Variants in ZPR1 observed in about 807,000 individuals in gnomAD.
The protein encoded by ZPR1 is ZPR1 zinc finger, also known as zinc finger protein ZPR1.
A neutral mutation model predicts 59.6 loss-of-function variants in ZPR1; 37 were observed. The observed-to-expected ratio is 0.62, with a 90% confidence interval of 0.48 to 0.82. ZPR1 has a LOEUF of 0.82. ZPR1 is among the 40% of genes least tolerant of loss of function. ZPR1 has a pLI of 0.00. For missense variants in ZPR1, 527 were observed against 579.9 expected, an observed-to-expected ratio of 0.91 and a Z score of 0.94; for synonymous variants, 191 against 215.2, an observed-to-expected ratio of 0.89 and a Z score of 0.99.
intron 2 of ZPR1, 24 bp downstream of exon 2, chr11:116,787,458 G>A: frequency 1.2e-6 from 2 of 1,607,128 alleles, no homozygotes; most frequent in East Asian, 2.2e-5. Context: ...GAATACTGAG[G>A]TACCTGCTCT....
At chr11:116,785,931 C>A in intron 4 of ZPR1, 49 bp from the exon 5 acceptor site, 1 of 1,528,416 alleles carries the variant, frequency 6.5e-7, no homozygotes, top group Non-Finnish European at 9.1e-7. Flanking sequence ...GTACCTTATG[C>A]CCTGCCCCTT....
In ZPR1 at chr11:116,785,146, C is replaced by A. The variant is rs1565321957; in HGVS notation, c.706G>T (p.Glu236Ter). The change falls in exon 7 of 14, where the codon GAA (glutamate) becomes TAA (stop). Residue 236 changes from glutamate (E) to a stop codon, truncating the protein, a stop_gained and splice_region_variant. Transcript: ENST00000227322. LOFTEE classifies it high-confidence loss of function. ...RQQEEMLGLQ[E>*]EAPAEKPEEE... ...TCTGGCTTCTCTGCTGGTGCTTCTTCCTAAAATAGCAAAGATGCAGGTCGC... is the reference window on the plus strand; with the variant it reads ...TCTGGCTTCTCTGCTGGTGCTTCTTACTAAAATAGCAAAGATGCAGGTCGC... 1.2e-6 allele frequency: 2 copies of A among 1,613,984 alleles called. No homozygotes were observed. Among genetic ancestry groups the A allele is most frequent in the East Asian group, 4.5e-5 (2 of 44,872 alleles).
At chr11:116,786,035 CA>C (rs1252080970) in intron 4 of ZPR1, among the ~76,000 whole-genome samples, 153 bp from the exon 5 acceptor site, 5 of 152,194 alleles carry the variant, frequency 3.3e-5, no homozygotes, top group African/African-American at 1.2e-4. Flanking sequence ...ATGTAGCAAA[CA>C]AGCCTGAAGT....
At chr11:116,782,077 A>T in intron 12 of ZPR1, 81 bp downstream of exon 12, 1 of 1,028,784 alleles carries the variant, frequency 9.7e-7, no homozygotes, top group East Asian at 2.4e-5. Context: ...GATGTTCAAA[A>T]AGTGGCAAGA....
chr11:116,782,679 A>G (rs1329548059), intron 11 of ZPR1, among the ~76,000 whole-genome samples: 1 of 152,196 alleles, frequency 6.6e-6, no homozygotes, highest in Non-Finnish European at 1.5e-5. Flanking sequence ...AAAATAAATG[A>G]CTTGTCCAAG....
chr11:116,775,146 G>A lies in ZPR1; in HGVS notation c.*3779C>T, dbSNP rs1252187263. The A allele has an allele frequency of 6.6e-6, 1 of 152,248 alleles. No individual in the cohort carries two copies. The highest frequency in any genetic ancestry group is 1.9e-4 in the East Asian group (1 of 5,180). The allele number at this position is 152,248 out of a possible 1,614,324, so 9.4% of individuals were successfully genotyped here. A position where few individuals can be genotyped will look rare whatever the true frequency, so the allele number is the denominator to read the frequency against. On this transcript the variant is annotated 3_prime_UTR_variant, in exon 14 of 14. Transcript: ENST00000227322. ...AGGTTTCAGAGTCTGACTGGCATGG[G>A]TTTGACACCTGCCTCTTAGAAGCTC... is the stretch of plus-strand genomic sequence containing the variant.
At position 116,784,423 on chromosome 11, in the gene ZPR1, G is replaced by A. The variant is rs754309285; in HGVS notation, c.846C>T (p.Ile282=). 1 of 1,614,200 alleles carries A rather than the reference G, an allele frequency of 6.2e-7. No homozygotes were observed. The highest frequency in any genetic ancestry group is 8.5e-7 in the Non-Finnish European group (1 of 1,180,032). Residue 282 remains isoleucine, a synonymous_variant, in exon 9 of 14, where the codon ATC becomes ATT. Transcript: ENST00000227322. ...LVQIPHFKEV[I]IMATNCENCG... ...AGTTCTCGCAGTTGGTAGCCATGATGATAACCTCCTTAAAGTGAGGGATTT... is the reference window on the plus strand; with the variant it reads ...AGTTCTCGCAGTTGGTAGCCATGATAATAACCTCCTTAAAGTGAGGGATTT...
Position 116,778,952 on chromosome 11 carries a change from A to G in ZPR1, c.1353T>C (p.Tyr451=), listed in dbSNP as rs1021565460. 5.6e-6 allele frequency: 9 copies of G among 1,614,044 alleles called. No homozygotes were observed. Among genetic ancestry groups the G allele is most frequent in the Non-Finnish European group, 7.6e-6 (9 of 1,180,046 alleles). The change falls in exon 14 of 14, where the codon TAT becomes TAC. Residue 451 remains tyrosine, a synonymous_variant. Transcript: ENST00000227322. ...LGLNDMKTEG[Y]EAGLAPQR is the part of the protein sequence containing the mutation. ...ACCGTTGCGGAGCCAGGCCTGCCTC[A>G]TAGCCCTCTGTCTTCATGTCATTGA... is the stretch of plus-strand genomic sequence containing the variant.
At chr11:116,787,787 C>A (rs1171086555) in intron 1 of ZPR1, 33 bp downstream of exon 1, 1 of 1,533,596 alleles carries the variant, frequency 6.5e-7, no homozygotes. Flanking sequence ...AAGCCCTACC[C>A]ACCCGCCGCT....
rs554438829 is a variant in ZPR1 at position 116,775,485 on chromosome 11, A to T, written c.*3440T>A. 6.5e-6 allele frequency: 1 copy of T among 153,420 alleles called. No individual in the cohort carries two copies. Among genetic ancestry groups the T allele is most frequent in the Admixed American group, 6.6e-5 (1 of 15,116 alleles). 9.5% of individuals were successfully genotyped at this position (153,420 alleles called of 1,614,324 possible). A position where few individuals can be genotyped will look rare whatever the true frequency, so the allele number is the denominator to read the frequency against. On this transcript the variant is annotated 3_prime_UTR_variant, in exon 14 of 14. Coordinates refer to ENST00000227322, the MANE Select transcript of ZPR1 (RefSeq NM_003904.5). ...AAAAAAAAAAAAAAAAAAATTAGCCAGGCATGGTGGCGTGCACCTGTAGTC... is the reference window on the plus strand; with the variant it reads ...AAAAAAAAAAAAAAAAAAATTAGCCTGGCATGGTGGCGTGCACCTGTAGTC...
At chr11:116,787,437 ATCTC>A (rs1940904501) in intron 2 of ZPR1, 41 bp downstream of exon 2, 2 of 1,588,876 alleles carry the variant, frequency 1.3e-6, no homozygotes, top group South Asian at 2.2e-5. Context: ...CCAGTACCGA[ATCTC>A]TCTCTAGAAT....
chr11:116,787,732 G>T, intron 1 of ZPR1, 88 bp downstream of exon 1: 1 of 1,528,704 alleles, frequency 6.5e-7, no homozygotes, highest in South Asian at 1.2e-5. Context: ...GGGGTCCCCG[G>T]CCGGGCCCAC....
intron 10 of ZPR1, among the ~76,000 whole-genome samples, chr11:116,783,240 G>T (rs1940835299): frequency 6.6e-6 from 1 of 152,194 alleles, no homozygotes; most frequent in African/African-American, 2.4e-5. Context: ...CTCAGTCATA[G>T]CTTCGAGCTG....
intron 3 of ZPR1, 26 bp downstream of exon 3, chr11:116,786,943 C>A (rs761061528): frequency 1.2e-5 from 19 of 1,591,886 alleles, no homozygotes; most frequent in Non-Finnish European, 1.6e-5. Flanking sequence ...ATGCGAACAG[C>A]CCAAATACTC....
Position 116,783,106 on chromosome 11 carries a change from AC to A in ZPR1, c.982-78del. The stretch of plus-strand genomic sequence containing the variant: ...ACCAGAGGCCTCCTGCCCAATTAAT[AC>A]CAGCAGTGATAGACTGCGGACAAGG... On this transcript the variant is annotated intron_variant, in intron 10 of 13. Transcript: ENST00000227322. 3 of 1,070,540 alleles carry A rather than the reference AC, an allele frequency of 2.8e-6. No individual in the cohort carries two copies. The South Asian group carries it at 3.8e-5, about 14-fold the overall frequency. The allele number at this position is 1,070,540 out of a possible 1,614,324, so 66.3% of individuals were successfully genotyped here.
chr11:116,785,384 G>T, intron 6 of ZPR1, 130 bp downstream of exon 6: 2 of 1,387,310 alleles, frequency 1.4e-6, no homozygotes, highest in Non-Finnish European at 2.0e-6. Context: ...ACATAAGCAA[G>T]ATGAGAAGCA....
chr11:116,782,704 A>G (rs938245148), intron 11 of ZPR1, among the ~76,000 whole-genome samples: 6 of 152,226 alleles, frequency 3.9e-5, no homozygotes, highest in Non-Finnish European at 7.3e-5. Context: ...CAAAATAACT[A>G]TAAAGTCCCA....
At position 116,785,557 on chromosome 11, in the gene ZPR1, T is replaced by A. The variant is rs759495658; in HGVS notation, c.662A>T (p.His221Leu). 7 of 1,614,042 alleles carry A rather than the reference T, an allele frequency of 4.3e-6. No homozygotes were observed. The African/African-American group carries it at 9.3e-5, about 22-fold the overall frequency. ...TTCCTGCTGTCGGGTCCGGTTGTAG[T>A]GTGTGATCACCAGGGCATCATCTTT... is the stretch of plus-strand genomic sequence containing the variant. ...PQKDDALVITHYNRTRQQEEM... is the reference protein window; with the variant it reads ...PQKDDALVITLYNRTRQQEEM... Residue 221 changes from histidine (H) to leucine (L), a missense_variant, in exon 6 of 14, where the codon CAC becomes CTC. His to Leu is a moderately conservative substitution (Grantham distance 99). Coordinates refer to ENST00000227322, the MANE Select transcript of ZPR1 (RefSeq NM_003904.5).
intron 9 of ZPR1, among the ~76,000 whole-genome samples, chr11:116,784,159 C>T (rs1183932439): frequency 6.6e-6 from 1 of 152,152 alleles, no homozygotes; most frequent in South Asian, 2.1e-4. Context: ...TATCATCAAC[C>T]TTTAATATGT....
Sources: allele counts gnomAD v4.1 joint callset (sites outside exome capture counted in the v4.1 genomes callset), GRCh38; gene constraint gnomAD v4.1.1; transcripts MANE v1.5; gene names NCBI Gene and HGNC (gene_info 2026-07-23, HGNC 2026-07-21).